The following SPOPL variants were observed in gnomAD, a reference collection of about 807,000 sequenced individuals.
SPOPL encodes the protein speckle type BTB/POZ protein like, also known as speckle-type POZ protein-like.
A neutral mutation model predicts 53.8 loss-of-function variants in SPOPL; 23 were observed. The observed-to-expected ratio is 0.43, with a 90% CI of 0.31 to 0.61. The LOEUF (loss-of-function observed/expected upper bound fraction) is 0.61. Ranked by LOEUF, SPOPL falls within the 20% of genes least tolerant of loss-of-function variation. SPOPL has a pLI of 0.12. For missense variants in SPOPL, 442 were observed against 466.9 expected (o/e 0.95, Z 0.49); for synonymous variants, 164 against 149.7 (o/e 1.10, Z -0.70).
chr2:138,559,159 G>A lies in SPOPL; in HGVS notation c.618G>A (p.Val206=), dbSNP rs749758694. The A allele has an allele frequency of 5.6e-6, 9 of 1,613,640 alleles. No homozygotes were observed. The highest frequency in any genetic ancestry group is 7.6e-6 in the Non-Finnish European group (9 of 1,179,798). Reference sequence around the variant, plus strand: ...GATTTACAGACTGCAGTTTTTTCGTGAGAGGACAAGAATTTAAAGCTCATA... The same window carrying A: ...GATTTACAGACTGCAGTTTTTTCGTAAGAGGACAAGAATTTAAAGCTCATA... ...NTRFTDCSFF[V]RGQEFKAHKS... is the part of the protein sequence containing the mutation. Residue 206 remains valine (V), a synonymous_variant, in exon 6 of 11, where the codon GTG becomes GTA. Transcript: ENST00000280098.
In SPOPL at chr2:138,561,164, C is replaced by T. The variant is rs369007749; in HGVS notation, c.837+237C>T. Reference sequence around the variant, plus strand: ...TTCTTGGGAGAGTAACCTGTAAACTCAGTCGTTTTGAGTGTATATGGACTT... The same window carrying T: ...TTCTTGGGAGAGTAACCTGTAAACTTAGTCGTTTTGAGTGTATATGGACTT... On this transcript the variant is annotated intron_variant, in intron 8 of 10. Transcript: ENST00000280098. 1.2e-4 allele frequency among the ~76,000 whole-genome samples: 18 copies of T among 152,158 alleles called. No individual in the cohort carries two copies. In the East Asian group the frequency reaches 3.3e-3, roughly 28 times the overall value.
rs947397979 is a variant in SPOPL, at chr2:138,570,878, C to A, written c.*1798C>A. The A allele has an allele frequency of 6.6e-6, 1 of 152,076 alleles. No individual in the cohort carries two copies. The highest frequency in any genetic ancestry group is 2.4e-5 in the African/African-American group (1 of 41,406). The allele number at this position is 152,076 out of a possible 1,614,324, so 9.4% of individuals were successfully genotyped here. A position where few individuals can be genotyped will look rare whatever the true frequency, so the allele number is the denominator to read the frequency against. ...ACAACAACCTAGAGTTTAAAAAGAT[C>A]GTATTTTCACCTGTCTTCATTACTT... On this transcript the variant is annotated 3_prime_UTR_variant, in exon 11 of 11. Transcript: ENST00000280098.
intron 1 of SPOPL, among the ~76,000 whole-genome samples, chr2:138,539,031 A>G (rs1263218138): frequency 6.6e-6 from 1 of 152,188 alleles, no homozygotes; most frequent in Non-Finnish European, 1.5e-5. Context: ...TAGTTTGCTG[A>G]GAATGACGGT....
At chr2:138,504,619 C>T (rs1174497641) in intron 1 of SPOPL, among the ~76,000 whole-genome samples, 1 of 152,154 alleles carries the variant, frequency 6.6e-6, no homozygotes, top group Non-Finnish European at 1.5e-5. Context: ...ATGAGAGTGG[C>T]CCTTCTCAAC....
intron 5 of SPOPL, among the ~76,000 whole-genome samples, chr2:138,555,571 G>T (rs1395434188): frequency 1.3e-5 from 2 of 152,198 alleles, no homozygotes; most frequent in East Asian, 3.9e-4. Flanking sequence ...CTTTGGAGCC[G>T]GTGTGGTGGG....
chr2:138,512,429 T>A (rs185110658), intron 1 of SPOPL, among the ~76,000 whole-genome samples: 2 of 152,254 alleles, frequency 1.3e-5, no homozygotes, highest in Admixed American at 1.3e-4. Context: ...GATTCAGAAA[T>A]TTTTTTAAAG....
chr2:138,568,571 G>C (rs1232318905), intron 10 of SPOPL, among the ~76,000 whole-genome samples: 1 of 152,100 alleles, frequency 6.6e-6, no homozygotes, highest in African/African-American at 2.4e-5. Context: ...TGCATGTTAA[G>C]GGGGGAGAGT....
chr2:138,535,354 A>C (rs912238910), intron 1 of SPOPL, among the ~76,000 whole-genome samples: 4 of 152,086 alleles, frequency 2.6e-5, no homozygotes, highest in African/African-American at 9.7e-5. Flanking sequence ...GTTCTTTTGG[A>C]TATATACCTA....
intron 1 of SPOPL, among the ~76,000 whole-genome samples, chr2:138,541,995 C>G (rs143847947): frequency 2.8e-4 from 43 of 152,166 alleles, no homozygotes; most frequent in Middle Eastern, 3.4e-3. Context: ...TCGTTATGTA[C>G]CCAGTAGTCA....
chr2:138,515,632 A>G (rs1251304089), intron 1 of SPOPL, among the ~76,000 whole-genome samples: 1 of 152,178 alleles, frequency 6.6e-6, no homozygotes. Context: ...CAGTGTTAAG[A>G]TTGTAATTCT....
At chr2:138,558,071 G>T (rs1168281565) in intron 5 of SPOPL, among the ~76,000 whole-genome samples, 1 of 152,122 alleles carries the variant, frequency 6.6e-6, no homozygotes, top group African/African-American at 2.4e-5. Context: ...TGAGACAGGA[G>T]AATTACTTGA....
At chr2:138,534,725 A>G (rs1429391209) in intron 1 of SPOPL, among the ~76,000 whole-genome samples, 1 of 152,174 alleles carries the variant, frequency 6.6e-6, no homozygotes, top group African/African-American at 2.4e-5. Context: ...GAACACTTTT[A>G]TCAGTCCCAG....
Position 138,536,362 on chromosome 2 carries a change from G to A in SPOPL, c.-60-13795G>A, listed in dbSNP as rs12994963. ...GCCCCCCCCCCACACACACACACAC[G>A]CACACAGTGTTAAGCCTCTGATGTT... is the stretch of plus-strand genomic sequence containing the variant. On this transcript the variant is annotated intron_variant, in intron 1 of 10. Coordinates refer to ENST00000280098, the MANE Select transcript of SPOPL (RefSeq NM_001001664.3). Among the ~76,000 whole-genome samples the A allele has an allele frequency of 1.6e-4, 23 of 141,210 alleles. No individual in the cohort carries two copies. In the East Asian group the frequency reaches 4.2e-3, roughly 26 times the overall value. The allele number at this position is 141,210 out of a possible 152,430, so 92.6% of individuals were successfully genotyped here. A position where few individuals can be genotyped will look rare whatever the true frequency, so the allele number is the denominator to read the frequency against.
intron 1 of SPOPL, among the ~76,000 whole-genome samples, chr2:138,524,158 G>A (rs1249736556): frequency 1.3e-5 from 2 of 152,306 alleles, no homozygotes; most frequent in Non-Finnish European, 2.9e-5. Flanking sequence ...CTGTGCACCT[G>A]CAGGCTCAAC....
In SPOPL at chr2:138,501,929, G is replaced by A. The variant is rs1684101271; in HGVS notation, c.-251G>A. The A allele has an allele frequency of 6.6e-6, 1 of 152,326 alleles. No homozygotes were observed. Among genetic ancestry groups the A allele is most frequent in the African/African-American group, 2.4e-5 (1 of 41,428 alleles). The allele number at this position is 152,326 out of a possible 1,614,324, so 9.4% of individuals were successfully genotyped here. A position where few individuals can be genotyped will look rare whatever the true frequency, so the allele number is the denominator to read the frequency against. On this transcript the variant is annotated 5_prime_UTR_variant, in exon 1 of 11. Coordinates refer to ENST00000280098, the MANE Select transcript of SPOPL (RefSeq NM_001001664.3). ...TTTATCCCGGGGAAGAAGTTTAGGA[G>A]CGGGAGATAGGGAAGGAGGGCGGGT...
At chr2:138,511,746 G>A (rs1332586180) in intron 1 of SPOPL, among the ~76,000 whole-genome samples, 2 of 152,144 alleles carry the variant, frequency 1.3e-5, no homozygotes, top group Non-Finnish European at 2.9e-5. Flanking sequence ...TTTTGTGGTT[G>A]TCACTCAGGA....
chr2:138,502,405 A>AC (rs1684122602), intron 1 of SPOPL, among the ~76,000 whole-genome samples: 1 of 150,748 alleles, frequency 6.6e-6, no homozygotes. Context: ...CTTTAGTTTT[A>AC]CCCCCGGGCC....
At chr2:138,520,157 A>G (rs1342553478) in intron 1 of SPOPL, among the ~76,000 whole-genome samples, 2 of 152,242 alleles carry the variant, frequency 1.3e-5, no homozygotes, top group Non-Finnish European at 2.9e-5. Flanking sequence ...AAATTTTGTT[A>G]TATCAAAAAT....
At chr2:138,526,261 T>C (rs1359618979) in intron 1 of SPOPL, among the ~76,000 whole-genome samples, 1 of 152,148 alleles carries the variant, frequency 6.6e-6, no homozygotes, top group Non-Finnish European at 1.5e-5. Context: ...ATTTCATCAA[T>C]TGAAAATTTT....
Sources: allele counts gnomAD v4.1 joint callset (sites outside exome capture counted in the v4.1 genomes callset), GRCh38; gene constraint gnomAD v4.1.1; transcripts MANE v1.5; gene names NCBI Gene and HGNC (gene_info 2026-07-23, HGNC 2026-07-21).